The following CLPB variants were observed in gnomAD, a reference collection of about 807,000 sequenced individuals.
CLPB encodes mitochondrial disaggregase.
CLPB carries 40 observed loss-of-function variants against 78.4 expected under a neutral mutation model. That is an observed-to-expected ratio of 0.51 (90% CI 0.40 to 0.66). CLPB has a LOEUF of 0.66. Among genes scored for constraint, CLPB ranks in the 30% least tolerant of loss-of-function variants. The probability of loss-of-function intolerance (pLI) is 0.00; values close to 1 mark genes in which losing one functional copy is unlikely to be tolerated. For missense variants in CLPB, 780 were observed against 886.9 expected, an observed-to-expected ratio of 0.88 and a Z score of 1.53; for synonymous variants, 333 against 348.0, an observed-to-expected ratio of 0.96 and a Z score of 0.48.
chr11:72,359,062 A>C (rs1205664777), intron 4 of CLPB, 54 bp from the exon 5 acceptor site: 6 of 1,609,478 alleles, frequency 3.7e-6, no homozygotes, highest in Non-Finnish European at 5.1e-6. Flanking sequence ...ATGAGCCACC[A>C]ATCTCACCTG....
intron 3 of CLPB, among the ~76,000 whole-genome samples, chr11:72,402,350 A>C (rs1392741314): frequency 2.0e-5 from 3 of 152,238 alleles, no homozygotes; most frequent in Non-Finnish European, 4.4e-5. Flanking sequence ...AAATCACTTT[A>C]TCTCTTTGGG....
intron 4 of CLPB, among the ~76,000 whole-genome samples, chr11:72,375,448 AC>A (rs1436501684): frequency 2.0e-5 from 3 of 151,290 alleles, no homozygotes; most frequent in Non-Finnish European, 2.9e-5. Flanking sequence ...TCACTCCCTA[AC>A]CCCCACCCAA....
intron 7 of CLPB, among the ~76,000 whole-genome samples, chr11:72,310,006 C>T (rs1590775933): frequency 6.6e-6 from 1 of 152,100 alleles, no homozygotes; most frequent in African/African-American, 2.4e-5. Context: ...CTGGAAGAGG[C>T]AGGACTGGTG....
chr11:72,378,979 G>A (rs1854811072), intron 4 of CLPB, among the ~76,000 whole-genome samples: 1 of 152,202 alleles, frequency 6.6e-6, no homozygotes, highest in African/African-American at 2.4e-5. Context: ...CTTAGCAATG[G>A]AGCCTTAAGA....
At chr11:72,303,505 T>C (rs1048882422) in intron 9 of CLPB, among the ~76,000 whole-genome samples, 2 of 152,240 alleles carry the variant, frequency 1.3e-5, no homozygotes, top group Admixed American at 1.3e-4. Context: ...CTGTGGAGCC[T>C]TGGACATGCT....
At chr11:72,328,882 T>C (rs1247740121) in intron 6 of CLPB, among the ~76,000 whole-genome samples, 2 of 151,334 alleles carry the variant, frequency 1.3e-5, no homozygotes, top group Non-Finnish European at 2.9e-5. Context: ...TTGAAACTTG[T>C]GGCAACAGCA....
In CLPB at chr11:72,312,056, C is replaced by T. The variant is rs1406576810; in HGVS notation, c.989-3452G>A. 1.3e-5 allele frequency among the ~76,000 whole-genome samples: 2 copies of T among 152,184 alleles called. No individual in the cohort carries two copies. Among genetic ancestry groups the T allele is most frequent in the Non-Finnish European group, 2.9e-5 (2 of 68,030 alleles). ...GGTATAGTGGAGAGGGCAGGAGTTA[C>T]AGGATCTAGCATGGAGTCCCGCCTC... On this transcript the variant is annotated intron_variant, in intron 7 of 15. Coordinates refer to ENST00000538039, the MANE Select transcript of CLPB (RefSeq NM_001258392.3). This position sits in a 1 kb window ranked among gnomAD's most constrained non-coding sequence, Gnocchi z 4.2.
At chr11:72,302,473 T>G (rs1949675924) in intron 9 of CLPB, 125 bp from the exon 10 acceptor site, 1 of 812,062 alleles carries the variant, frequency 1.2e-6, no homozygotes, top group Non-Finnish European at 2.1e-6. Context: ...ATCTTCTATC[T>G]CACGCTCAAG....
At chr11:72,401,393 G>C (rs1464296761) in intron 3 of CLPB, among the ~76,000 whole-genome samples, 2 of 152,110 alleles carry the variant, frequency 1.3e-5, no homozygotes, top group African/African-American at 4.8e-5. Flanking sequence ...AGTGATCCAA[G>C]ATCGCGCCAC....
chr11:72,355,434 T>C (rs1039012189), intron 5 of CLPB: 3 of 152,182 alleles, frequency 2.0e-5, no homozygotes, highest in Non-Finnish European at 4.4e-5. Context: ...GAATGAGAGT[T>C]TGATTTCTTT....
chr11:72,363,120 C>T (rs556546757), intron 4 of CLPB, among the ~76,000 whole-genome samples: 12 of 151,090 alleles, frequency 7.9e-5, no homozygotes, highest in African/African-American at 2.9e-4. Flanking sequence ...CACGCCACTG[C>T]ACTCCAGCCT....
intron 4 of CLPB, among the ~76,000 whole-genome samples, chr11:72,360,603 A>G (rs1950820078): frequency 6.6e-6 from 1 of 151,862 alleles, no homozygotes; most frequent in Admixed American, 6.6e-5. Context: ...CAGCCGGCTA[A>G]TTTTTGTATT....
rs1855456957 is a variant in CLPB, at chr11:72,397,976, G to A, written c.542+4990C>T. Among the ~76,000 whole-genome samples, 3 of 152,298 alleles carry A rather than the reference G, an allele frequency of 2.0e-5. No homozygotes were observed. The South Asian group carries it at 6.2e-4, about 32-fold the overall frequency. On this transcript the variant is annotated intron_variant, in intron 3 of 15. Transcript: ENST00000538039. ...TCATGAGACTATTTTTATCTCCATTGCAAGCACCTAACAATACCAGAGCTT... is the reference window on the plus strand; with the variant it reads ...TCATGAGACTATTTTTATCTCCATTACAAGCACCTAACAATACCAGAGCTT...
chr11:72,307,386 T>A (rs1590771722), intron 8 of CLPB, 132 bp from the exon 9 acceptor site: 5 of 746,590 alleles, frequency 6.7e-6, no homozygotes, highest in South Asian at 1.7e-5. Context: ...GCAGAAAGGA[T>A]CAGCGACTCT....
chr11:72,338,664 T>C (rs1269595208), intron 5 of CLPB, among the ~76,000 whole-genome samples: 2 of 152,234 alleles, frequency 1.3e-5, no homozygotes, highest in Non-Finnish European at 2.9e-5. Context: ...ACTTCTTCCT[T>C]TGAACCGCTA....
intron 7 of CLPB, among the ~76,000 whole-genome samples, chr11:72,309,000 A>G (rs749126556): frequency 3.9e-5 from 6 of 152,134 alleles, no homozygotes; most frequent in Admixed American, 1.3e-4. Flanking sequence ...GCCGCCTCCT[A>G]TGCAAATACA....
intron 4 of CLPB, among the ~76,000 whole-genome samples, chr11:72,374,208 T>C (rs1195677900): frequency 6.6e-6 from 1 of 152,180 alleles, no homozygotes; most frequent in Admixed American, 6.5e-5. Context: ...CCCACCTCCA[T>C]AGAGAAATTC....
chr11:72,332,895 AAC>A (rs1480593373), intron 5 of CLPB: 4 of 152,190 alleles, frequency 2.6e-5, no homozygotes, highest in African/African-American at 9.7e-5. Context: ...CTATTATATA[AAC>A]AGTGCCATGA....
At chr11:72,347,811 T>C (rs1239899519) in intron 5 of CLPB, among the ~76,000 whole-genome samples, 2 of 152,194 alleles carry the variant, frequency 1.3e-5, no homozygotes, top group African/African-American at 4.8e-5. Flanking sequence ...CTCTGGACTA[T>C]CTGAGTGGGC....
Sources: allele counts gnomAD v4.1 joint callset (sites outside exome capture counted in the v4.1 genomes callset), GRCh38; gene constraint gnomAD v4.1.1; non-coding constraint Gnocchi (gnomAD v3.1); transcripts MANE v1.5; gene names NCBI Gene and HGNC (gene_info 2026-07-23, HGNC 2026-07-21).